Variants in PCDH15 observed in about 807,000 individuals in gnomAD.
PCDH15 encodes protocadherin related 15.
A neutral mutation model predicts 178.5 loss-of-function variants in PCDH15; 129 were observed. That is an observed-to-expected ratio of 0.72 (90% CI 0.63 to 0.84). The LOEUF (loss-of-function observed/expected upper bound fraction) is 0.84. PCDH15 is among the 40% of genes least tolerant of loss of function. PCDH15 has a pLI of 0.00. For synonymous variants in PCDH15, 800 were observed against 732.0 expected, an observed-to-expected ratio of 1.09 and a Z score of -1.50; for missense variants, 2,230 against 2,099.9, an observed-to-expected ratio of 1.06 and a Z score of -1.21.
At chr10:55,423,631 T>C (rs1372623348) in intron 2 of PCDH15, among the ~76,000 whole-genome samples, 5 of 152,054 alleles carry the variant, frequency 3.3e-5, no homozygotes, top group African/African-American at 1.2e-4. Context: ...AGCTTGTTGA[T>C]GGAAGGCCCA....
Position 53,805,031 on chromosome 10 carries a change from T to C in PCDH15, c.*1548A>G, listed in dbSNP as rs1841065910. On this transcript the variant is annotated 3_prime_UTR_variant, in exon 38 of 38. Coordinates refer to ENST00000644397, the MANE Select transcript of PCDH15 (RefSeq NM_001384140.1). ...GTTACTGTATTTGATCTCAAATATT[T>C]TCTTGGAAATCTGAAGTAAAAACAT... 1.3e-5 allele frequency: 2 copies of C among 152,018 alleles called. No homozygotes were observed. The highest frequency in any genetic ancestry group is 4.8e-5 in the African/African-American group (2 of 41,404). The allele number at this position is 152,018 out of a possible 1,614,324, so 9.4% of individuals were successfully genotyped here.
chr10:54,630,364 T>G (rs2093667177), intron 2 of PCDH15, among the ~76,000 whole-genome samples: 1 of 152,102 alleles, frequency 6.6e-6, no homozygotes, highest in South Asian at 2.1e-4. Flanking sequence ...GGCTGCTTAC[T>G]TACAACCATT....
chr10:55,454,335 A>G (rs745742876), intron 2 of PCDH15, among the ~76,000 whole-genome samples: 47 of 152,258 alleles, frequency 3.1e-4, no homozygotes, highest in Admixed American at 1.7e-3. Context: ...CCTTAAATAC[A>G]AAGTAAGTTC....
chr10:54,018,668 G>A (rs546246682), intron 20 of PCDH15, among the ~76,000 whole-genome samples: 1 of 152,172 alleles, frequency 6.6e-6, no homozygotes, highest in African/African-American at 2.4e-5. Context: ...GCGACTATAT[G>A]AAGCATGAAT....
intron 2 of PCDH15, among the ~76,000 whole-genome samples, chr10:55,502,350 A>G (rs548170920): frequency 6.6e-6 from 1 of 151,690 alleles, no homozygotes; most frequent in Non-Finnish European, 1.5e-5. Flanking sequence ...CCCAGAGAGC[A>G]CCCTTTCAAG....
rs1055198203 is a variant in PCDH15 at position 55,175,102 on chromosome 10, C to A, written c.-155-8451G>T. ...GAACCTTATCCAATTGGAAAAACAGCAGTACCATTGGAGGACCCTAAATGG... is the reference window on the plus strand; with the variant it reads ...GAACCTTATCCAATTGGAAAAACAGAAGTACCATTGGAGGACCCTAAATGG... On this transcript the variant is annotated intron_variant, in intron 1 of 5. Coordinates refer to the PCDH15 transcript ENST00000458638. Among the ~76,000 whole-genome samples, 6 of 152,168 alleles carry A rather than the reference C, an allele frequency of 3.9e-5. No homozygotes were observed. The East Asian group carries it at 1.2e-3, about 30-fold the overall frequency.
intron 1 of PCDH15, among the ~76,000 whole-genome samples, chr10:55,194,469 A>C (rs534218419): frequency 6.6e-6 from 1 of 152,200 alleles, no homozygotes; most frequent in African/African-American, 2.4e-5. Flanking sequence ...AACAGAATAA[A>C]ACTTTCCTTA....
At position 54,813,503 on chromosome 10, in the gene PCDH15, A is replaced by C. The variant is rs573689489; in HGVS notation, c.-29+83947T>G. The stretch of plus-strand genomic sequence containing the variant: ...CAGTTGCTGGAGTCAAAAATCTGAG[A>C]GCAGCTCTTTTTTTGTGTTTGCGGG... On this transcript the variant is annotated intron_variant, in intron 3 of 5. Coordinates refer to the PCDH15 transcript ENST00000458638. 3.3e-5 allele frequency among the ~76,000 whole-genome samples: 5 copies of C among 152,320 alleles called. No individual in the cohort carries two copies. In the East Asian group the frequency reaches 9.7e-4, roughly 29 times the overall value.
chr10:55,082,560 C>A (rs930339560), intron 2 of PCDH15, among the ~76,000 whole-genome samples: 5 of 132,930 alleles, frequency 3.8e-5, no homozygotes, highest in African/African-American at 5.5e-5. Context: ...AAGATCAGAG[C>A]AGAAATAGGT....
At chr10:54,983,138 TTAAA>T (rs1162815776) in intron 2 of PCDH15, among the ~76,000 whole-genome samples, 1 of 152,158 alleles carries the variant, frequency 6.6e-6, no homozygotes, top group East Asian at 1.9e-4. Flanking sequence ...CAAATACATG[TTAAA>T]ACTAATTTAA....
chr10:54,149,070 C>T (rs1252709456), intron 14 of PCDH15, among the ~76,000 whole-genome samples: 2 of 152,022 alleles, frequency 1.3e-5, no homozygotes, highest in Non-Finnish European at 2.9e-5. Flanking sequence ...AAACAAGAAG[C>T]TATTTCAGAC....
At chr10:54,603,502 T>TC (rs1245329018) in intron 2 of PCDH15, among the ~76,000 whole-genome samples, 1 of 151,606 alleles carries the variant, frequency 6.6e-6, no homozygotes, top group Non-Finnish European at 1.5e-5. Flanking sequence ...TTTTTTTTTT[T>TC]CTTCCTCAGA....
At chr10:55,200,996 C>G (rs936116804) in intron 1 of PCDH15, among the ~76,000 whole-genome samples, 1 of 152,158 alleles carries the variant, frequency 6.6e-6, no homozygotes, top group South Asian at 2.1e-4. Flanking sequence ...AACATGAAAA[C>G]AGACTAATAC....
intron 8 of PCDH15, among the ~76,000 whole-genome samples, chr10:54,265,544 A>T (rs1170563703): frequency 6.6e-6 from 1 of 152,054 alleles, no homozygotes; most frequent in Non-Finnish European, 1.5e-5. Flanking sequence ...CTCATAAGTA[A>T]TGACACTCAT....
intron 2 of PCDH15, among the ~76,000 whole-genome samples, chr10:55,094,553 TA>T (rs915273719): frequency 2.0e-5 from 3 of 151,760 alleles, no homozygotes; most frequent in Non-Finnish European, 2.9e-5. Flanking sequence ...AAAAATAAAT[TA>T]AAAAAAATTA....
At chr10:53,937,540 A>T (rs1246838019) in intron 25 of PCDH15, among the ~76,000 whole-genome samples, 13 of 152,200 alleles carry the variant, frequency 8.5e-5, no homozygotes, top group Non-Finnish European at 1.3e-4. Context: ...CAATTTAATT[A>T]TGTGAGTGAT....
chr10:55,552,758 A>G lies in PCDH15; in HGVS notation c.-156+74867T>C, dbSNP rs573384863. Among the ~76,000 whole-genome samples, 82 of 151,650 alleles carry G rather than the reference A, an allele frequency of 5.4e-4. 2 individuals carry two copies. The South Asian group carries it at 0.017, about 31-fold the overall frequency. ...GCATGACTTACAAATATTATAAAAC[A>G]TAATGGCTTTTATTATAAACTATTA... is the stretch of plus-strand genomic sequence containing the variant. On this transcript the variant is annotated intron_variant, in intron 2 of 5. Coordinates refer to the PCDH15 transcript ENST00000613346.
intron 1 of PCDH15, among the ~76,000 whole-genome samples, chr10:54,665,702 G>A (rs936456317): frequency 2.0e-5 from 3 of 151,930 alleles, no homozygotes; most frequent in Non-Finnish European, 4.4e-5. Context: ...TTAATATGAA[G>A]TCTATTCTTC....
At chr10:55,606,430 C>G (rs1049324191) in intron 2 of PCDH15, among the ~76,000 whole-genome samples, 69 of 151,412 alleles carry the variant, frequency 4.6e-4, no homozygotes, top group Non-Finnish European at 8.2e-4. Context: ...AAAGAGCCCG[C>G]ATTGCCAAGT....
Sources: gnomAD v4.1 joint callset for allele counts (sites outside exome capture counted in the v4.1 genomes callset) on GRCh38, gnomAD v4.1.1 for gene constraint, MANE v1.5 for transcripts, NCBI Gene and HGNC (gene_info 2026-07-23, HGNC 2026-07-21) for gene names.